Variants in ALK observed in about 807,000 individuals in gnomAD.
The protein encoded by ALK is ALK receptor tyrosine kinase.
ALK carries 74 observed loss-of-function variants against 163.1 expected under a neutral mutation model. The observed-to-expected ratio is 0.45, with a 90% CI of 0.38 to 0.55. The LOEUF is 0.55. Ranked by LOEUF, ALK falls within the 20% of genes least tolerant of loss-of-function variation. ALK has a pLI of 0.00. For missense variants in ALK, 2,063 were observed against 2,105.3 expected, an observed-to-expected ratio of 0.98 and a Z score of 0.39; for synonymous variants, 960 against 843.2, an observed-to-expected ratio of 1.14 and a Z score of -2.40.
chr2:29,438,365 G>A (rs976004229), intron 4 of ALK, among the ~76,000 whole-genome samples: 2 of 152,188 alleles, frequency 1.3e-5, no homozygotes, highest in Admixed American at 6.5e-5. Flanking sequence ...GGTCATAGAA[G>A]AAAAATGTCC....
At chr2:29,688,183 C>G (rs759752079) in intron 3 of ALK, among the ~76,000 whole-genome samples, 1 of 152,154 alleles carries the variant, frequency 6.6e-6, no homozygotes, top group Non-Finnish European at 1.5e-5. Flanking sequence ...TCCGTGAGGC[C>G]TTACTGGTGA....
At chr2:29,240,615 T>C (rs181489542) in intron 12 of ALK, among the ~76,000 whole-genome samples, 40 of 152,250 alleles carry the variant, frequency 2.6e-4, no homozygotes, top group Admixed American at 1.5e-3. Flanking sequence ...TGGAGAAATA[T>C]GTGTGCAAAC....
At position 29,532,121 on chromosome 2, in the gene ALK, A is replaced by G. The variant is rs746073787; in HGVS notation, c.953-5T>C. The G allele has an allele frequency of 1.2e-6, 2 of 1,613,784 alleles. No homozygotes were observed. Among genetic ancestry groups the G allele is most frequent in the Non-Finnish European group, 8.5e-7 (1 of 1,179,930 alleles). Reference sequence around the variant, plus strand: ...TGTTGAGAAGGAGAAAGGAGCCTGGAAAGAGACAGGGAAAACGAATCTGCA... The same window carrying G: ...TGTTGAGAAGGAGAAAGGAGCCTGGGAAGAGACAGGGAAAACGAATCTGCA... On this transcript the variant is annotated splice_polypyrimidine_tract_variant and splice_region_variant and intron_variant, in intron 3 of 28. Coordinates refer to ENST00000389048, the MANE Select transcript of ALK (RefSeq NM_004304.5).
chr2:29,479,637 T>C (rs1371248123), intron 4 of ALK, among the ~76,000 whole-genome samples: 1 of 152,196 alleles, frequency 6.6e-6, no homozygotes, highest in East Asian at 1.9e-4. Flanking sequence ...CATGTATTGC[T>C]GGGTTCAGGG....
chr2:29,856,907 T>A (rs1228607278), intron 1 of ALK, among the ~76,000 whole-genome samples: 1 of 151,622 alleles, frequency 6.6e-6, no homozygotes, highest in Non-Finnish European at 1.5e-5. Context: ...GATTCTGTAA[T>A]AGGATTCTGT....
chr2:29,921,047 G>T lies in ALK; in HGVS notation c.-388C>A, dbSNP rs1226083101. The T allele has an allele frequency of 7.3e-6, 2 of 275,492 alleles. No homozygotes were observed. The highest frequency in any genetic ancestry group is 1.4e-5 in the Non-Finnish European group (2 of 145,630). 17.1% of individuals were successfully genotyped at this position (275,492 alleles called of 1,614,324 possible). A position where few individuals can be genotyped will look rare whatever the true frequency, so the allele number is the denominator to read the frequency against. On this transcript the variant is annotated 5_prime_UTR_variant, in exon 1 of 29. Coordinates refer to ENST00000389048, the MANE Select transcript of ALK (RefSeq NM_004304.5). ...CGTCCTCTCCTGCCCCCCGCAGTCG[G>T]AGCTGGGGTCTGTCCCCTCTCGGGG...
chr2:29,789,479 A>G (rs559983019), intron 1 of ALK, among the ~76,000 whole-genome samples: 1 of 152,344 alleles, frequency 6.6e-6, no homozygotes, highest in East Asian at 1.9e-4. Context: ...CTTCTGCACC[A>G]TGTTGCCACA....
At chr2:29,242,003 G>C (rs1209780395) in intron 12 of ALK, among the ~76,000 whole-genome samples, 1 of 152,122 alleles carries the variant, frequency 6.6e-6, no homozygotes, top group Non-Finnish European at 1.5e-5. Flanking sequence ...CTAATTCCCA[G>C]ACTCTCAGCC....
At chr2:29,858,935 A>C (rs1666213792) in intron 1 of ALK, among the ~76,000 whole-genome samples, 3 of 152,054 alleles carry the variant, frequency 2.0e-5, no homozygotes, top group Non-Finnish European at 2.9e-5. Context: ...CAGGAGGCTG[A>C]GGCAGGAGAA....
chr2:29,798,546 C>T lies in ALK; in HGVS notation c.668-80849G>A, dbSNP rs116441637. On this transcript the variant is annotated intron_variant, in intron 1 of 28. Coordinates refer to ENST00000389048, the MANE Select transcript of ALK (RefSeq NM_004304.5). Reference sequence around the variant, plus strand: ...TCACAAAGTACAAAAACCCCCGCTCCTCGCATCCAGGTCTTTTCAGCAAAT... The same window carrying T: ...TCACAAAGTACAAAAACCCCCGCTCTTCGCATCCAGGTCTTTTCAGCAAAT... Among the ~76,000 whole-genome samples, 1,053 of 152,338 alleles carry T rather than the reference C, an allele frequency of 6.9e-3. 16 individuals carry two copies. Among genetic ancestry groups the T allele is most frequent in the African/African-American group, 0.023 (959 of 41,566 alleles).
chr2:29,669,872 CAA>C (rs34668767), intron 3 of ALK, among the ~76,000 whole-genome samples: 4 of 151,030 alleles, frequency 2.6e-5, no homozygotes, highest in Admixed American at 1.3e-4. Context: ...AAAACAAAGG[CAA>C]AAAAAAACTA....
intron 3 of ALK, among the ~76,000 whole-genome samples, chr2:29,662,289 T>C (rs1410605736): frequency 6.6e-6 from 1 of 152,168 alleles, no homozygotes; most frequent in Admixed American, 6.5e-5. Context: ...CTAAGGAAGA[T>C]GAGTTTGAAC....
intron 3 of ALK, among the ~76,000 whole-genome samples, chr2:29,677,783 G>A (rs183210319): frequency 1.3e-5 from 2 of 152,166 alleles, no homozygotes; most frequent in Admixed American, 1.3e-4. Flanking sequence ...AGGATCAGGG[G>A]AATAGTGAGT....
At chr2:29,499,528 A>G (rs986477334) in intron 4 of ALK, among the ~76,000 whole-genome samples, 2 of 152,052 alleles carry the variant, frequency 1.3e-5, no homozygotes, top group Non-Finnish European at 2.9e-5. Flanking sequence ...TTGAGGGCTG[A>G]CTAGTTTTAC....
intron 1 of ALK, among the ~76,000 whole-genome samples, chr2:29,880,727 T>A (rs143281171): frequency 5.3e-5 from 8 of 152,308 alleles, no homozygotes; most frequent in East Asian, 3.9e-4. Flanking sequence ...CTAGTACCCA[T>A]GCCATAAAAG....
intron 1 of ALK, among the ~76,000 whole-genome samples, chr2:29,755,036 T>G (rs916305754): frequency 7.3e-5 from 11 of 151,500 alleles, no homozygotes; most frequent in Admixed American, 5.3e-4. Flanking sequence ...CTTGGTTGCC[T>G]GTGAAGGAAT....
At chr2:29,753,968 A>G (rs1035295036) in intron 1 of ALK, among the ~76,000 whole-genome samples, 1 of 152,230 alleles carries the variant, frequency 6.6e-6, no homozygotes, top group Admixed American at 6.5e-5. Flanking sequence ...CATCTTTGTA[A>G]GAAAAGTAAA....
chr2:29,608,487 T>C (rs923578088), intron 3 of ALK, among the ~76,000 whole-genome samples: 2 of 152,214 alleles, frequency 1.3e-5, no homozygotes, highest in African/African-American at 4.8e-5. Context: ...TTGTCCTAAA[T>C]CACATGGCTT....
chr2:29,214,630 T>C (rs79690425), intron 23 of ALK, among the ~76,000 whole-genome samples: 137 of 152,326 alleles, frequency 9.0e-4, no homozygotes, highest in African/African-American at 3.2e-3. Context: ...TTATGAGCTA[T>C]CTCAAGCTTT....
Sources: allele counts gnomAD v4.1 joint callset (sites outside exome capture counted in the v4.1 genomes callset), GRCh38; gene constraint gnomAD v4.1.1; transcripts MANE v1.5; gene names NCBI Gene and HGNC (gene_info 2026-07-23, HGNC 2026-07-21).